ARHGAP23: variants seen among roughly 807,000 people sequenced by gnomAD.
ARHGAP23 encodes the protein rho GTPase-activating protein 23.
A neutral mutation model predicts 136.3 loss-of-function variants in ARHGAP23; 34 were observed. The observed-to-expected ratio is 0.25, with a 90% CI of 0.19 to 0.33. ARHGAP23 has a LOEUF of 0.33. ARHGAP23 is among the 10% of genes least tolerant of loss of function. ARHGAP23 has a pLI of 1.00. For synonymous variants in ARHGAP23, 832 were observed against 920.5 expected (o/e 0.90, Z 1.74); for missense variants, 1,808 against 2,139.0 (o/e 0.85, Z 3.05).
intron 22 of ARHGAP23, among the ~76,000 whole-genome samples, chr17:38,499,658 T>C (rs2040477303): frequency 6.6e-6 from 1 of 152,098 alleles, no homozygotes; most frequent in South Asian, 2.1e-4. Context: ...TCTCTTCTAA[T>C]CACCCGCCGC....
At chr17:38,501,236 C>T (rs935433283) in intron 23 of ARHGAP23, 1 of 151,988 alleles carries the variant, frequency 6.6e-6, no homozygotes, top group African/African-American at 2.4e-5. Flanking sequence ...AAAGATGGCA[C>T]AGATTATCAG....
chr17:38,495,152 T>G (rs1274071832), intron 20 of ARHGAP23, among the ~76,000 whole-genome samples: 1 of 152,096 alleles, frequency 6.6e-6, no homozygotes, highest in Non-Finnish European at 1.5e-5. Context: ...GTAAATAGAC[T>G]TACAGAGGGA....
chr17:38,462,871 G>A lies in ARHGAP23; in HGVS notation c.279G>A (p.Glu93=), dbSNP rs2039494082. 6.5e-7 allele frequency: 1 copy of A among 1,530,032 alleles called. No individual in the cohort carries two copies. The highest frequency in any genetic ancestry group is 1.7e-4 in the Middle Eastern group (1 of 5,922). 94.8% of individuals were successfully genotyped at this position (1,530,032 alleles called of 1,614,324 possible). Residue 93 remains glutamate, a synonymous_variant, in exon 4 of 24, where the codon GAG becomes GAA. Coordinates refer to ENST00000622683, the MANE Select transcript of ARHGAP23 (RefSeq NM_001199417.2). The part of the protein sequence containing the change: ...GGGPSPRYRL[E]PMDTIFVKNV... ...GACCCTCCCCCCGGTACCGCCTGGA[G>A]CCCATGGACACCATCTTTGTCAAGA...
intron 1 of ARHGAP23, among the ~76,000 whole-genome samples, chr17:38,421,091 G>A (rs148623740): frequency 2.0e-5 from 3 of 152,248 alleles, no homozygotes; most frequent in Non-Finnish European, 2.9e-5. Context: ...GGGATCAGCC[G>A]CTTCCCCTTT....
In ARHGAP23 at chr17:38,466,761, C is replaced by T. The variant is rs773629616; in HGVS notation, c.1078C>T (p.Arg360Cys). The T allele has an allele frequency of 2.1e-5, 33 of 1,548,674 alleles. No homozygotes were observed. Among genetic ancestry groups the T allele is most frequent in the South Asian group, 3.6e-5 (3 of 83,992 alleles). ...RSDDYLSRAT[R>C]SAEALGPGAL... ...AGATGACTACTTGAGCCGGGCCACC[C>T]GTTCTGCCGAGGCACTGGGGCCAGG... is the stretch of plus-strand genomic sequence containing the variant. The change falls in exon 7 of 24, where the codon CGT becomes TGT. Residue 360 changes from arginine (R) to cysteine (C), a missense_variant. Arg to Cys is a radical substitution (Grantham distance 180, BLOSUM62 -3). This residue lies in a region of ARHGAP23 where 859 missense variants were observed against 936.4 expected (regional missense o/e 0.92). Transcript: ENST00000622683.
intron 10 of ARHGAP23, among the ~76,000 whole-genome samples, chr17:38,470,260 A>G (rs1342398595): frequency 6.7e-6 from 1 of 149,072 alleles, no homozygotes; most frequent in Non-Finnish European, 1.5e-5. Context: ...TCGCTACTCT[A>G]TGTTTTCCTC....
chr17:38,465,842 C>T (rs570957844), intron 6 of ARHGAP23, among the ~76,000 whole-genome samples: 1 of 152,074 alleles, frequency 6.6e-6, no homozygotes, highest in Admixed American at 6.5e-5. Context: ...AGGGGGCAGG[C>T]AGGCGGTGGA....
chr17:38,454,423 A>T (rs1261400786), intron 1 of ARHGAP23, among the ~76,000 whole-genome samples: 1 of 152,232 alleles, frequency 6.6e-6, no homozygotes. Flanking sequence ...GAAGGATGGA[A>T]GGGACCAGAG....
intron 11 of ARHGAP23, among the ~76,000 whole-genome samples, chr17:38,474,858 C>T (rs1042906963): frequency 7.2e-5 from 11 of 152,190 alleles, no homozygotes; most frequent in Admixed American, 3.9e-4. Context: ...GCCATGTGCA[C>T]TGTGCGAGGA....
At position 38,466,264 on chromosome 17, in the gene ARHGAP23, C is replaced by T. The variant is rs1010119823; in HGVS notation, c.581C>T (p.Thr194Ile). The change falls in exon 7 of 24, where the codon ACC (threonine) becomes ATC (isoleucine). Residue 194 changes from threonine (T) to isoleucine (I), a missense_variant. Physicochemically the swap from Thr to Ile is moderately conservative, Grantham distance 89. Coordinates refer to ENST00000622683, the MANE Select transcript of ARHGAP23 (RefSeq NM_001199417.2). Reference protein sequence around the residue: ...EPPPICYPRKTYAPPARASTR... With the variant: ...EPPPICYPRKIYAPPARASTR... ...CCCCCGATCTGCTACCCCCGCAAGACCTACGCCCCTCCTGCCCGGGCCTCC... is the reference window on the plus strand; with the variant it reads ...CCCCCGATCTGCTACCCCCGCAAGATCTACGCCCCTCCTGCCCGGGCCTCC... 6.5e-6 allele frequency: 10 copies of T among 1,549,216 alleles called. No individual in the cohort carries two copies. In the South Asian group the frequency reaches 9.5e-5, roughly 15 times the overall value.
At chr17:38,491,282 G>A in intron 19 of ARHGAP23, 125 bp from the exon 20 acceptor site, 11 of 1,296,652 alleles carry the variant, frequency 8.5e-6, no homozygotes, top group Non-Finnish European at 1.1e-5. Flanking sequence ...GCCCATACAA[G>A]GGGGTGTCCA....
chr17:38,466,096 C>T, intron 6 of ARHGAP23, 71 bp from the exon 7 acceptor site: 1 of 1,341,292 alleles, frequency 7.5e-7, no homozygotes, highest in Non-Finnish European at 9.7e-7. Flanking sequence ...CCTTGACCTC[C>T]TCGGGCTGCC....
chr17:38,505,075 G>A (rs1385237856), intron 23 of ARHGAP23, among the ~76,000 whole-genome samples: 1 of 125,456 alleles, frequency 8.0e-6, no homozygotes, highest in African/African-American at 3.1e-5. Flanking sequence ...CCTGAACACA[G>A]CTCACTGCAG....
At position 38,467,281 on chromosome 17, in the gene ARHGAP23, TG is replaced by T; in HGVS notation, c.1600del (p.Ala534ProfsTer41). The T allele has an allele frequency of 6.5e-7, 1 of 1,530,864 alleles. No individual in the cohort carries two copies. Among genetic ancestry groups the T allele is most frequent in the Non-Finnish European group, 8.8e-7 (1 of 1,138,528 alleles). 94.8% of individuals were successfully genotyped at this position (1,530,864 alleles called of 1,614,324 possible). A position where few individuals can be genotyped will look rare whatever the true frequency, so the allele number is the denominator to read the frequency against. Reference protein sequence around the residue: ...SGRGERLGRKVAPLATTEDSL... With the variant: ...SGRGERLGRKXAPLATTEDSL... ...CGAGGGGAACGCCTGGGCAGGAAGG[TG>T]GCCCCTTTGGCCACCACCGAAGACT... On this transcript the variant is annotated frameshift_variant, in exon 7 of 24. Transcript: ENST00000622683. LOFTEE classifies it high-confidence loss of function.
In ARHGAP23 at chr17:38,486,090, G is replaced by A; in HGVS notation, c.2936G>A (p.Ser979Asn). Reference sequence around the variant, plus strand: ...TGGCAAGACCTCAATGTGATCAGCAGCCTGCTCAAGTCCTTCTTCCGAAAG... The same window carrying A: ...TGGCAAGACCTCAATGTGATCAGCAACCTGCTCAAGTCCTTCTTCCGAAAG... Reference protein sequence around the residue: ...ERWQDLNVISSLLKSFFRKLP... With the variant: ...ERWQDLNVISNLLKSFFRKLP... Residue 979 changes from serine (S) to asparagine (N), a missense_variant, in exon 17 of 24, where the codon AGC becomes AAC. Ser to Asn is a conservative substitution (Grantham distance 46, BLOSUM62 1). This residue lies in a region of ARHGAP23 where 105 missense variants were observed against 200.6 expected (regional missense o/e 0.52). Coordinates refer to ENST00000622683, the MANE Select transcript of ARHGAP23 (RefSeq NM_001199417.2). 1 of 1,551,430 alleles carries A rather than the reference G, an allele frequency of 6.4e-7. No homozygotes were observed. The highest frequency in any genetic ancestry group is 1.2e-5 in the South Asian group (1 of 84,050).
chr17:38,502,345 C>A (rs2144799518), intron 23 of ARHGAP23, among the ~76,000 whole-genome samples: 1 of 152,328 alleles, frequency 6.6e-6, no homozygotes, highest in Non-Finnish European at 1.5e-5. Flanking sequence ...GAAACACTTT[C>A]CAACTCATTT....
rs2144780408 is a variant in ARHGAP23, at chr17:38,497,810, A to G, written c.3302A>G (p.Glu1101Gly). 1 of 1,551,286 alleles carries G rather than the reference A, an allele frequency of 6.4e-7. No individual in the cohort carries two copies. The highest frequency in any genetic ancestry group is 8.7e-7 in the Non-Finnish European group (1 of 1,146,854). The change falls in exon 21 of 24, where the codon GAG becomes GGG. Residue 1101 changes from glutamate to glycine, a missense_variant. Coordinates refer to ENST00000622683, the MANE Select transcript of ARHGAP23 (RefSeq NM_001199417.2). ...TCAGACTGGTTCTTCAGTGACGAAGAGGACAAGGGAGAGAGAGTAAGTGAT... is the reference window on the plus strand; with the variant it reads ...TCAGACTGGTTCTTCAGTGACGAAGGGGACAAGGGAGAGAGAGTAAGTGAT... ...QHSDWFFSDE[E>G]DKGERTPVGD...
Position 38,466,243 on chromosome 17 carries a change from C to T in ARHGAP23, c.560C>T (p.Pro187Leu), listed in dbSNP as rs758609941. ...GEARSIPEPPPICYPRKTYAP... is the reference protein window; with the variant it reads ...GEARSIPEPPLICYPRKTYAP... ...GCCCGCAGCATCCCAGAGCCACCCC[C>T]GATCTGCTACCCCCGCAAGACCTAC... Residue 187 changes from proline (P) to leucine (L), a missense_variant, in exon 7 of 24, where the codon CCG (proline) becomes CTG (leucine). By Grantham distance (98) the Pro-to-Leu change is moderately conservative (BLOSUM62 -3). Around this residue, in one of 7 missense-constraint regions of ARHGAP23, gnomAD observed 859 missense variants for 936.4 expected, o/e 0.92. Coordinates refer to ENST00000622683, the MANE Select transcript of ARHGAP23 (RefSeq NM_001199417.2). 9.7e-6 allele frequency: 15 copies of T among 1,547,368 alleles called. No individual in the cohort carries two copies. The highest frequency in any genetic ancestry group is 4.8e-5 in the South Asian group (4 of 83,694).
intron 15 of ARHGAP23, 56 bp from the exon 16 acceptor site, chr17:38,482,467 C>T: frequency 2.7e-6 from 4 of 1,458,514 alleles, no homozygotes; most frequent in Non-Finnish European, 3.7e-6. Context: ...CCCTTCTTGG[C>T]CTCCCCAGCT....
Sources: allele counts gnomAD v4.1 joint callset (sites outside exome capture counted in the v4.1 genomes callset), GRCh38; gene constraint gnomAD v4.1.1; regional missense constraint gnomAD v4.1.1; transcripts MANE v1.5; gene names NCBI Gene and HGNC (gene_info 2026-07-23, HGNC 2026-07-21).